PCDH15: variants seen among roughly 807,000 people sequenced by gnomAD.
The protein encoded by PCDH15 is protocadherin related 15, also known as protocadherin-15.
A neutral mutation model predicts 178.5 loss-of-function variants in PCDH15; 129 were observed. The observed-to-expected ratio is 0.72, with a 90% CI of 0.63 to 0.84. PCDH15 has a LOEUF of 0.84. Among genes scored for constraint, PCDH15 ranks in the 40% least tolerant of loss-of-function variants. The pLI, the probability that PCDH15 is intolerant of heterozygous loss-of-function variation, is 0.00. For missense variants in PCDH15, 2,230 were observed against 2,099.9 expected, an observed-to-expected ratio of 1.06 and a Z score of -1.21; for synonymous variants, 800 against 732.0, an observed-to-expected ratio of 1.09 and a Z score of -1.50.
At chr10:53,914,205 G>A (rs892489057) in intron 25 of PCDH15, among the ~76,000 whole-genome samples, 2 of 152,174 alleles carry the variant, frequency 1.3e-5, no homozygotes, top group Non-Finnish European at 2.9e-5. Flanking sequence ...AGACAGTGTG[G>A]TGATTCCTCA....
At chr10:54,805,284 T>A (rs1178743444), upstream of PCDH15, among the ~76,000 whole-genome samples, 1 of 151,814 alleles carries the variant, frequency 6.6e-6, no homozygotes, top group Non-Finnish European at 1.5e-5. Flanking sequence ...CAGGTTAAAG[T>A]TTTACTGAAT....
chr10:54,189,571 AAC>A (rs1404854054), intron 11 of PCDH15, among the ~76,000 whole-genome samples: 10 of 152,182 alleles, frequency 6.6e-5, no homozygotes, highest in Non-Finnish European at 1.0e-4. Context: ...ATAAATACTT[AAC>A]TGCTTTATGA....
chr10:54,891,995 T>C (rs1954470231), intron 3 of PCDH15, among the ~76,000 whole-genome samples: 1 of 152,024 alleles, frequency 6.6e-6, no homozygotes, highest in Admixed American at 6.6e-5. Context: ...AGGGCATAGT[T>C]CTTAACACAT....
At chr10:54,502,542 G>C (rs1337723871) in intron 3 of PCDH15, among the ~76,000 whole-genome samples, 1 of 152,034 alleles carries the variant, frequency 6.6e-6, no homozygotes, top group Non-Finnish European at 1.5e-5. Flanking sequence ...TTCTATAAAA[G>C]TTGGAATCTG....
At chr10:54,641,204 GAAC>G (rs1241329948) in intron 2 of PCDH15, 2 of 159,056 alleles carry the variant, frequency 1.3e-5, no homozygotes, top group Non-Finnish European at 2.8e-5. Context: ...GCTTTTCTAA[GAAC>G]ATCATCATAA....
At chr10:55,334,792 A>G (rs572689456) in intron 2 of PCDH15, among the ~76,000 whole-genome samples, 7 of 152,344 alleles carry the variant, frequency 4.6e-5, no homozygotes, top group African/African-American at 1.7e-4. Flanking sequence ...TGGTATGAAG[A>G]CATTTTTAAA....
intron 2 of PCDH15, among the ~76,000 whole-genome samples, chr10:55,087,417 G>T (rs1842199616): frequency 6.6e-6 from 1 of 152,182 alleles, no homozygotes; most frequent in Admixed American, 6.6e-5. Context: ...GAAATGTTTG[G>T]CTGATAAGCC....
At chr10:54,760,286 C>T (rs1161362602) in intron 1 of PCDH15, among the ~76,000 whole-genome samples, 1 of 152,186 alleles carries the variant, frequency 6.6e-6, no homozygotes, top group Non-Finnish European at 1.5e-5. Flanking sequence ...ATTTACCTCA[C>T]TAGTTCTTTG....
In PCDH15 at chr10:53,840,425, C is replaced by A. The variant is rs536702239; in HGVS notation, c.3878G>T (p.Arg1293Leu). ...TTCTAGGGAAAAGGCATCTCCATGCCGGCGAGCTCCAATGGACTCCACTAC... is the reference window on the plus strand; with the variant it reads ...TTCTAGGGAAAAGGCATCTCCATGCAGGCGAGCTCCAATGGACTCCACTAC... Reference protein sequence around the residue: ...KVVVESIGARRHGDAFSLEDY... With the variant: ...KVVVESIGARLHGDAFSLEDY... Residue 1293 changes from arginine to leucine, a missense_variant, in exon 29 of 38, where the codon CGG (arginine) becomes CTG (leucine). Physicochemically the swap from Arg to Leu is moderately radical, Grantham distance 102 (BLOSUM62 -2). Transcript: ENST00000644397. The A allele has an allele frequency of 3.7e-6, 6 of 1,613,940 alleles. No homozygotes were observed. Among genetic ancestry groups the A allele is most frequent in the Non-Finnish European group, 5.1e-6 (6 of 1,179,886 alleles).
intron 21 of PCDH15, among the ~76,000 whole-genome samples, chr10:53,992,227 G>C (rs1189837571): frequency 1.3e-5 from 2 of 152,112 alleles, no homozygotes. Flanking sequence ...AAGCCAGCAA[G>C]ACCACGAACC....
At chr10:54,000,779 G>A (rs1434496001) in intron 20 of PCDH15, among the ~76,000 whole-genome samples, 1 of 152,004 alleles carries the variant, frequency 6.6e-6, no homozygotes, top group Non-Finnish European at 1.5e-5. Context: ...TTATTAAAAG[G>A]AATAATAATG....
At chr10:55,058,681 CTAA>C (rs1457049238) in intron 2 of PCDH15, among the ~76,000 whole-genome samples, 1 of 152,030 alleles carries the variant, frequency 6.6e-6, no homozygotes, top group South Asian at 2.1e-4. Context: ...CAAATTCGTA[CTAA>C]TGTTATCATA....
intron 2 of PCDH15, among the ~76,000 whole-genome samples, chr10:55,508,128 G>C (rs1281741864): frequency 6.6e-6 from 1 of 151,558 alleles, no homozygotes; most frequent in East Asian, 1.9e-4. Flanking sequence ...TGGTGGGGTA[G>C]ACCACAATTA....
intron 2 of PCDH15, among the ~76,000 whole-genome samples, chr10:55,057,337 A>G (rs1841330821): frequency 6.6e-6 from 1 of 152,220 alleles, no homozygotes; most frequent in African/African-American, 2.4e-5. Flanking sequence ...CAAAAGAAAC[A>G]AACAAAAACA....
intron 2 of PCDH15, among the ~76,000 whole-genome samples, chr10:54,629,022 A>C (rs1463189270): frequency 6.6e-6 from 1 of 152,178 alleles, no homozygotes; most frequent in Non-Finnish European, 1.5e-5. Context: ...CAAAATTCCT[A>C]GAAAGCTTAT....
chr10:55,068,667 T>C (rs770958048), intron 2 of PCDH15, among the ~76,000 whole-genome samples: 2 of 152,122 alleles, frequency 1.3e-5, no homozygotes, highest in African/African-American at 4.8e-5. Context: ...ATTAAATCTA[T>C]ATATTTCTTG....
At chr10:54,910,182 C>G (rs1029319763) in intron 2 of PCDH15, among the ~76,000 whole-genome samples, 32 of 152,094 alleles carry the variant, frequency 2.1e-4, no homozygotes, top group African/African-American at 5.6e-4. Flanking sequence ...ACTGACACCT[C>G]CCCACTGCAG....
rs538975826 is a variant in PCDH15, at chr10:53,817,997, C to A, written c.4450G>T (p.Glu1484Ter). 7.5e-6 allele frequency: 3 copies of A among 398,698 alleles called. No homozygotes were observed. The highest frequency in any genetic ancestry group is 6.2e-5 in the African/African-American group (3 of 48,738). The allele number at this position is 398,698 out of a possible 1,614,324, so 24.7% of individuals were successfully genotyped here. A position where few individuals can be genotyped will look rare whatever the true frequency, so the allele number is the denominator to read the frequency against. ...RTLTRRGYGS[E>*]QQQLLRPSLL... Reference sequence around the variant, plus strand: ...CATCAACACCATAAAGCCCTTACCTCTGATCCATAACCTCTCCTGCAAGGC... The same window carrying A: ...CATCAACACCATAAAGCCCTTACCTATGATCCATAACCTCTCCTGCAAGGC... Residue 1484 changes from glutamate (E) to a stop codon, truncating the protein, a stop_gained and splice_region_variant, in exon 34 of 38, where the codon GAG (glutamate) becomes TAG (stop). Coordinates refer to ENST00000644397, the MANE Select transcript of PCDH15 (RefSeq NM_001384140.1). LOFTEE classifies it high-confidence loss of function.
chr10:54,025,169 TAC>T (rs1271753527), intron 18 of PCDH15, among the ~76,000 whole-genome samples: 1 of 152,184 alleles, frequency 6.6e-6, no homozygotes, highest in African/African-American at 2.4e-5. Context: ...TGCTTAACTA[TAC>T]ATCCACTAGG....
Sources: allele counts gnomAD v4.1 joint callset (sites outside exome capture counted in the v4.1 genomes callset), GRCh38; gene constraint gnomAD v4.1.1; transcripts MANE v1.5; gene names NCBI Gene and HGNC (gene_info 2026-07-23, HGNC 2026-07-21).